The following DNAH12 variants were observed in gnomAD, a reference collection of about 807,000 sequenced individuals.
DNAH12 encodes dynein axonemal heavy chain 12, also known as axonemal beta dynein heavy chain 12.
DNAH12 carries 285 observed loss-of-function variants against 371.5 expected under a neutral mutation model. That is an observed-to-expected ratio of 0.77 (90% CI 0.70 to 0.85). The LOEUF (loss-of-function observed/expected upper bound fraction) is 0.85. Ranked by LOEUF, DNAH12 falls within the 40% of genes least tolerant of loss-of-function variation. DNAH12 has a pLI of 0.00. For synonymous variants in DNAH12, 1,200 were observed against 1,213.0 expected (o/e 0.99, Z 0.22); for missense variants, 3,611 against 3,689.4 (o/e 0.98, Z 0.55).
chr3:57,318,468 A>T (rs976417786), intron 65 of DNAH12, among the ~76,000 whole-genome samples: 2 of 152,068 alleles, frequency 1.3e-5, no homozygotes, highest in Non-Finnish European at 2.9e-5. Flanking sequence ...AGTTGACCTT[A>T]TATGTGTAGA....
intron 22 of DNAH12, 84 bp downstream of exon 22, chr3:57,457,637 A>C: frequency 7.3e-7 from 1 of 1,363,064 alleles, no homozygotes; most frequent in Non-Finnish European, 9.7e-7. Flanking sequence ...TAAGAACTTT[A>C]AGTGTTAATT....
Position 57,296,384 on chromosome 3 carries a change from G to A in DNAH12, c.11584C>T (p.His3862Tyr), listed in dbSNP as rs1044414115. The A allele has an allele frequency of 1.4e-5, 22 of 1,550,472 alleles. No homozygotes were observed. The highest frequency in any genetic ancestry group is 1.7e-5 in the Non-Finnish European group (19 of 1,146,442). ...DTSPEDGVYI[H>Y]GLYLDGARWD... ...CGTGCGCCATCGAGATACAGTCCGTGGATATAAACACCATCTTCTGGTGAT... is the reference window on the plus strand; with the variant it reads ...CGTGCGCCATCGAGATACAGTCCGTAGATATAAACACCATCTTCTGGTGAT... Residue 3862 changes from histidine (H) to tyrosine (Y), a missense_variant, in exon 72 of 74, where the codon CAC becomes TAC. His to Tyr is a moderately conservative substitution (Grantham distance 83). This residue lies in a region of DNAH12 where 2,266 missense variants were observed against 2,236.9 expected (regional missense o/e 1.01). Transcript: ENST00000495027.
chr3:57,507,592 T>G (rs772055279), intron 8 of DNAH12, 51 bp downstream of exon 8: 4 of 1,276,972 alleles, frequency 3.1e-6, no homozygotes, highest in Non-Finnish European at 4.2e-6. Flanking sequence ...ATTTAAAATA[T>G]TGAACTAATT....
At chr3:57,395,047 ATTATAT>A (rs1676310531) in intron 43 of DNAH12, among the ~76,000 whole-genome samples, 1 of 152,160 alleles carries the variant, frequency 6.6e-6, no homozygotes. Flanking sequence ...TAAAAATATA[ATTATAT>A]TTAAAAGGGA....
chr3:57,455,730 G>A (rs922864500), intron 22 of DNAH12, among the ~76,000 whole-genome samples: 1 of 151,696 alleles, frequency 6.6e-6, no homozygotes, highest in African/African-American at 2.4e-5. Flanking sequence ...ATATGACCAG[G>A]GTATACAATT....
chr3:57,528,247 C>T (rs2068717771), intron 2 of DNAH12, among the ~76,000 whole-genome samples: 1 of 150,870 alleles, frequency 6.6e-6, no homozygotes, highest in Admixed American at 6.6e-5. Flanking sequence ...AGGCTGGTCT[C>T]GAACTCCTGA....
intron 69 of DNAH12, among the ~76,000 whole-genome samples, chr3:57,305,905 C>T (rs1422320332): frequency 2.0e-5 from 3 of 152,162 alleles, no homozygotes; most frequent in Non-Finnish European, 2.9e-5. Context: ...ACGCCTGAAC[C>T]GCAGCACCGA....
chr3:57,471,797 C>T (rs1202809986), intron 14 of DNAH12, among the ~76,000 whole-genome samples, 191 bp from the exon 15 acceptor site: 1 of 152,100 alleles, frequency 6.6e-6, no homozygotes, highest in Admixed American at 6.5e-5. Context: ...TCCTAGATCT[C>T]CAAAGTGACT....
chr3:57,535,365 G>C (rs901177395), intron 2 of DNAH12, among the ~76,000 whole-genome samples: 1 of 152,100 alleles, frequency 6.6e-6, no homozygotes, highest in Non-Finnish European at 1.5e-5. Context: ...CATTGGAATG[G>C]CTTTGTTATA....
intron 43 of DNAH12, among the ~76,000 whole-genome samples, chr3:57,398,130 A>G (rs2063783089): frequency 6.6e-6 from 1 of 152,178 alleles, no homozygotes; most frequent in African/African-American, 2.4e-5. Context: ...CAAAACATAA[A>G]ACTGAACTAA....
chr3:57,324,180 A>C (rs2061877187), intron 62 of DNAH12, among the ~76,000 whole-genome samples: 1 of 152,224 alleles, frequency 6.6e-6, no homozygotes, highest in Admixed American at 6.5e-5. Flanking sequence ...GGGTGATCTC[A>C]GGAGCAAGAG....
intron 30 of DNAH12, among the ~76,000 whole-genome samples, chr3:57,435,370 T>TC (rs200544162): frequency 0.038 from 625 of 16,238 alleles, 8 homozygotes; most frequent in Middle Eastern, 0.11. Context: ...AGACTCTGTC[T>TC]CCCAAAAAAA....
intron 2 of DNAH12, among the ~76,000 whole-genome samples, chr3:57,530,029 T>C (rs1335035008): frequency 3.3e-5 from 5 of 152,178 alleles, no homozygotes; most frequent in African/African-American, 9.6e-5. Flanking sequence ...AATTTCCATC[T>C]GTTTGTATAG....
rs1487146791 is a variant in DNAH12, at chr3:57,373,300, A to G, written c.8759+2071T>C. ...AATTTGGACTCAGTGGTTATAGTTA[A>G]TCTATATTACTCAACTGATTTTTTT... On this transcript the variant is annotated intron_variant, in intron 55 of 73. Transcript: ENST00000495027. 3.5e-5 allele frequency among the ~76,000 whole-genome samples: 5 copies of G among 144,010 alleles called. No homozygotes were observed. In the East Asian group the frequency reaches 6.2e-4, roughly 18 times the overall value. The allele number at this position is 144,010 out of a possible 152,430, so 94.5% of individuals were successfully genotyped here.
chr3:57,302,358 C>T (rs1305434466), intron 69 of DNAH12, among the ~76,000 whole-genome samples: 2 of 151,468 alleles, frequency 1.3e-5, no homozygotes, highest in Admixed American at 6.6e-5. Context: ...CATTTATACA[C>T]TTGCAAATAC....
intron 37 of DNAH12, among the ~76,000 whole-genome samples, chr3:57,416,520 GAA>G (rs142345098): frequency 0.01 from 1,573 of 152,278 alleles, 19 homozygotes; most frequent in African/African-American, 0.036. Context: ...TGTCTCCTCA[GAA>G]AAGAGTTGTA....
intron 70 of DNAH12, among the ~76,000 whole-genome samples, chr3:57,299,151 G>T (rs1373364081): frequency 6.6e-6 from 1 of 152,118 alleles, no homozygotes; most frequent in Non-Finnish European, 1.5e-5. Context: ...CGAGCACCAA[G>T]CACAAGAAAG....
intron 72 of DNAH12, among the ~76,000 whole-genome samples, chr3:57,296,001 A>G (rs1306713169): frequency 6.6e-6 from 1 of 152,200 alleles, no homozygotes; most frequent in Non-Finnish European, 1.5e-5. Context: ...CCCATTCACT[A>G]ACAGAAAGGT....
rs1165743478 is a variant in DNAH12 at position 57,445,942 on chromosome 3, C to T, written c.4179+89G>A. The T allele has an allele frequency of 8.7e-6, 11 of 1,264,918 alleles. No individual in the cohort carries two copies. The Admixed American group carries it at 2.1e-4, about 24-fold the overall frequency. 78.4% of individuals were successfully genotyped at this position (1,264,918 alleles called of 1,614,324 possible). Reference sequence around the variant, plus strand: ...GGTGGAGGTTGCAGTGAGCCAAGATCGCGCCACTGCACTCCAGCCTGGGCA... The same window carrying T: ...GGTGGAGGTTGCAGTGAGCCAAGATTGCGCCACTGCACTCCAGCCTGGGCA... On this transcript the variant is annotated intron_variant, in intron 27 of 73. Coordinates refer to ENST00000495027, the MANE Select transcript of DNAH12 (RefSeq NM_001366028.2).
Sources: gnomAD v4.1 joint callset for allele counts (sites outside exome capture counted in the v4.1 genomes callset) on GRCh38, gnomAD v4.1.1 for gene constraint, gnomAD v4.1.1 regional missense constraint, MANE v1.5 for transcripts, NCBI Gene and HGNC (gene_info 2026-07-23, HGNC 2026-07-21) for gene names.